SHANK2: variants seen among roughly 807,000 people sequenced by gnomAD.
SHANK2 encodes the protein SH3 and multiple ankyrin repeat domains 2, also known as SH3 and multiple ankyrin repeat domains protein 2.
A neutral mutation model predicts 133.7 loss-of-function variants in SHANK2; 43 were observed. That is an observed-to-expected ratio of 0.32 (90% CI 0.25 to 0.41). SHANK2 has a LOEUF of 0.41. SHANK2 is among the 10% of genes least tolerant of loss of function. The pLI is 1.00. For synonymous variants in SHANK2, 1,017 were observed against 952.8 expected (o/e 1.07, Z -1.24); for missense variants, 1,994 against 2,235.8 (o/e 0.89, Z 2.18).
chr11:70,846,655 A>G (rs3019832), intron 11 of SHANK2, among the ~76,000 whole-genome samples: 152,219 of 152,304 alleles, frequency 1, 76,069 homozygotes, highest in Middle Eastern at 1. Context: ...CAGGTGCCTA[A>G]CGGCCACCTC....
At chr11:70,515,637 GAAAAAAAAAAAAA>G (rs58440823) in intron 17 of SHANK2, among the ~76,000 whole-genome samples, 1 of 79,958 alleles carries the variant, frequency 1.3e-5, no homozygotes, top group African/African-American at 5.4e-5. Flanking sequence ...CTCGTTCCTT[GAAAAAAAAAAAAA>G]AAAAAAAAAA....
intron 15 of SHANK2, among the ~76,000 whole-genome samples, chr11:70,686,720 T>C (rs574730669): frequency 4.6e-5 from 7 of 152,302 alleles, no homozygotes; most frequent in East Asian, 3.9e-4. Context: ...GGAGGTCTGA[T>C]TGCTTCTCAC....
chr11:70,513,932 C>CA (rs1554969621), intron 17 of SHANK2, among the ~76,000 whole-genome samples: 2 of 151,958 alleles, frequency 1.3e-5, no homozygotes, highest in Non-Finnish European at 2.9e-5. Context: ...TCAAAGAAGA[C>CA]AGAGAAAATG....
intron 22 of SHANK2, among the ~76,000 whole-genome samples, 196 bp from the exon 23 acceptor site, chr11:70,490,583 C>A (rs1208774903): frequency 6.6e-6 from 1 of 152,246 alleles, no homozygotes; most frequent in Non-Finnish European, 1.5e-5. Flanking sequence ...AGGTGCCTTT[C>A]CTATTCGCTG....
chr11:70,902,765 G>A (rs1555077028), intron 10 of SHANK2, among the ~76,000 whole-genome samples: 1 of 152,182 alleles, frequency 6.6e-6, no homozygotes, highest in African/African-American at 2.4e-5. Context: ...TGCTGGTGCT[G>A]ACAAAGCCCC....
chr11:70,864,115 C>T (rs1949309271), intron 11 of SHANK2: 3 of 275,270 alleles, frequency 1.1e-5, no homozygotes, highest in Non-Finnish European at 2.2e-5. Context: ...TTGCTTTCTT[C>T]CTTGAGCTCT....
intron 11 of SHANK2, among the ~76,000 whole-genome samples, chr11:70,823,435 C>T (rs1555056529): frequency 9.9e-6 from 1 of 100,572 alleles, no homozygotes; most frequent in African/African-American, 4.0e-5. Context: ...ACAGAGGTGT[C>T]ATTGGCAGAG....
At chr11:70,653,974 C>T (rs1389971377) in intron 17 of SHANK2, among the ~76,000 whole-genome samples, 4 of 152,222 alleles carry the variant, frequency 2.6e-5, no homozygotes, top group Non-Finnish European at 5.9e-5. Context: ...AACACCAGGG[C>T]ATCCCTCTTA....
chr11:70,533,552 C>G (rs535686527), intron 17 of SHANK2, among the ~76,000 whole-genome samples: 8 of 152,204 alleles, frequency 5.3e-5, no homozygotes, highest in Non-Finnish European at 1.2e-4. Context: ...GCTTGCCTGG[C>G]GTTCCCTCTG....
chr11:70,676,506 C>A (rs1555017232), intron 15 of SHANK2, among the ~76,000 whole-genome samples: 1 of 152,204 alleles, frequency 6.6e-6, no homozygotes, highest in Non-Finnish European at 1.5e-5. Context: ...AGGGAGAGGC[C>A]AAGAGGCCTT....
At chr11:71,125,132 A>G (rs573614808) in intron 3 of SHANK2, among the ~76,000 whole-genome samples, 3 of 152,260 alleles carry the variant, frequency 2.0e-5, no homozygotes, top group Admixed American at 6.5e-5. Context: ...GGGCCTCCCT[A>G]TGCCCCGAGA....
At chr11:71,196,562 G>A (rs1407481815) in intron 2 of SHANK2, among the ~76,000 whole-genome samples, 3 of 151,790 alleles carry the variant, frequency 2.0e-5, no homozygotes, top group African/African-American at 7.3e-5. Flanking sequence ...GGAATTGTAG[G>A]CGTGAGCCAT....
intron 11 of SHANK2, among the ~76,000 whole-genome samples, chr11:70,867,475 C>T (rs552843993): frequency 6.3e-4 from 96 of 152,236 alleles, no homozygotes; most frequent in African/African-American, 2.1e-3. Context: ...GTACGGCATG[C>T]GCATGAGGGC....
chr11:70,630,755 G>A (rs1555001834), intron 17 of SHANK2, among the ~76,000 whole-genome samples: 1 of 152,216 alleles, frequency 6.6e-6, no homozygotes, highest in East Asian at 1.9e-4. Context: ...GAGCACTGGA[G>A]GGAGAGGGCC....
In SHANK2 at chr11:71,188,764, T is replaced by A. The variant is rs1953727279; in HGVS notation, c.-13+35933A>T. Among the ~76,000 whole-genome samples the A allele has an allele frequency of 6.6e-6, 1 of 152,114 alleles. No homozygotes were observed. Among genetic ancestry groups the A allele is most frequent in the African/African-American group, 2.4e-5 (1 of 41,422 alleles). The stretch of plus-strand genomic sequence containing the variant: ...TGCCACGTCCCTGCACTGTGCTGGG[T>A]GCTGGCCTCACTGAGATAACTACGA... On this transcript the variant is annotated intron_variant, in intron 2 of 25. Transcript: ENST00000601538. The surrounding 1 kb of genome is among the most constrained non-coding windows in gnomAD (Gnocchi z 4.6).
At chr11:70,631,460 G>A (rs1160333886) in intron 17 of SHANK2, among the ~76,000 whole-genome samples, 2 of 151,104 alleles carry the variant, frequency 1.3e-5, no homozygotes, top group African/African-American at 4.9e-5. Flanking sequence ...CATGTCCCTG[G>A]TCCTTTTCTC....
Position 70,558,734 on chromosome 11 carries a change from G to A in SHANK2, c.2062-55803C>T, listed in dbSNP as rs2059865923. Among the ~76,000 whole-genome samples the A allele has an allele frequency of 2.0e-5, 3 of 152,274 alleles. No homozygotes were observed. The South Asian group carries it at 6.2e-4, about 32-fold the overall frequency. ...TGAGTGAACCGAAAGAGACAGGACT[G>A]TGCACACCTGAGCGGGAGGCGACCA... On this transcript the variant is annotated intron_variant, in intron 17 of 25. Coordinates refer to ENST00000601538, the MANE Select transcript of SHANK2 (RefSeq NM_012309.5).
chr11:70,663,683 C>G (rs1347316517), intron 15 of SHANK2, among the ~76,000 whole-genome samples: 1 of 152,152 alleles, frequency 6.6e-6, no homozygotes, highest in African/African-American at 2.4e-5. Flanking sequence ...TTACCTTGCC[C>G]CCTCCCCAGA....
intron 10 of SHANK2, among the ~76,000 whole-genome samples, chr11:70,926,090 T>C (rs1275414425): frequency 6.6e-6 from 1 of 151,288 alleles, no homozygotes; most frequent in Non-Finnish European, 1.5e-5. Context: ...CTGGGCAACA[T>C]GGTGAAGCCC....
Sources: allele counts gnomAD v4.1 joint callset (sites outside exome capture counted in the v4.1 genomes callset), GRCh38; gene constraint gnomAD v4.1.1; non-coding constraint Gnocchi (gnomAD v3.1); transcripts MANE v1.5; gene names NCBI Gene and HGNC (gene_info 2026-07-23, HGNC 2026-07-21).